The following TIAM1 variants were observed in gnomAD, a reference collection of about 807,000 sequenced individuals.
The protein encoded by TIAM1 is rho guanine nucleotide exchange factor TIAM1.
In TIAM1, 65 loss-of-function variants were observed where a neutral mutation model predicts 163.5. That is an observed-to-expected ratio of 0.40 (90% CI 0.33 to 0.49). The LOEUF (loss-of-function observed/expected upper bound fraction) is 0.49. Among genes scored for constraint, TIAM1 ranks in the 20% least tolerant of loss-of-function variants. The probability of loss-of-function intolerance (pLI) is 0.77; values close to 1 mark genes in which losing one functional copy is unlikely to be tolerated. For synonymous variants in TIAM1, 833 were observed against 810.1 expected (o/e 1.03, Z -0.48); for missense variants, 1,789 against 2,044.7 (o/e 0.87, Z 2.41).
intron 6 of TIAM1, among the ~76,000 whole-genome samples, chr21:31,227,736 T>C (rs2146642804): frequency 6.6e-6 from 1 of 152,330 alleles, no homozygotes; most frequent in South Asian, 2.1e-4. Flanking sequence ...CAGGTCATTA[T>C]CTTATAGTTT....
intron 2 of TIAM1, among the ~76,000 whole-genome samples, chr21:31,403,896 A>G (rs1239090449): frequency 1.3e-5 from 2 of 152,190 alleles, no homozygotes; most frequent in Non-Finnish European, 2.9e-5. Flanking sequence ...AATCCAGGGC[A>G]GATAGTGACA....
At chr21:31,170,074 T>C (rs1437262542) in intron 15 of TIAM1, among the ~76,000 whole-genome samples, 1 of 152,060 alleles carries the variant, frequency 6.6e-6, no homozygotes, top group Non-Finnish European at 1.5e-5. Context: ...TAAACAAATG[T>C]AAAACAGGCT....
chr21:31,127,473 C>T (rs111666410), intron 25 of TIAM1, among the ~76,000 whole-genome samples: 7,073 of 149,602 alleles, frequency 0.047, 206 homozygotes, highest in East Asian at 0.11. Flanking sequence ...GGCCGGAGTG[C>T]GGTGGTGTGA....
chr21:31,186,119 AG>A (rs1163559810), intron 14 of TIAM1, among the ~76,000 whole-genome samples: 4 of 152,202 alleles, frequency 2.6e-5, no homozygotes, highest in African/African-American at 9.6e-5. Flanking sequence ...GGGTAGAAAA[AG>A]GATGAAGAGT....
intron 8 of TIAM1, among the ~76,000 whole-genome samples, chr21:31,219,758 A>AAAAC (rs2087448308): frequency 3.9e-5 from 6 of 151,922 alleles, no homozygotes; most frequent in African/African-American, 1.5e-4. Flanking sequence ...ACAAAAAAAA[A>AAAAC]CCCCAGATCA....
At chr21:31,510,350 G>A (rs1172490458) in intron 1 of TIAM1, among the ~76,000 whole-genome samples, 1 of 152,124 alleles carries the variant, frequency 6.6e-6, no homozygotes, top group Non-Finnish European at 1.5e-5. Flanking sequence ...TACTCATAAG[G>A]ACAACGGTCA....
In TIAM1 at chr21:31,213,478, T is replaced by G; in HGVS notation, c.2143-6A>C. On this transcript the variant is annotated splice_region_variant and splice_polypyrimidine_tract_variant and intron_variant, in intron 9 of 27. Coordinates refer to ENST00000541036, the MANE Select transcript of TIAM1 (RefSeq NM_001353694.2). The stretch of plus-strand genomic sequence containing the variant: ...TCGGTTCCCTCTCCAAACACCTGCA[T>G]ATACAAAAGTACCACCTTAAAAAGG... 6.2e-7 allele frequency: 1 copy of G among 1,613,676 alleles called. No homozygotes were observed. Among genetic ancestry groups the G allele is most frequent in the African/African-American group, 1.3e-5 (1 of 74,972 alleles).
intron 6 of TIAM1, among the ~76,000 whole-genome samples, chr21:31,232,230 T>C (rs375823823): frequency 6.6e-6 from 1 of 152,154 alleles, no homozygotes; most frequent in East Asian, 1.9e-4. Context: ...GACAGCTGCA[T>C]GAAACATTTA....
At chr21:31,368,532 G>T (rs1287324657) in intron 2 of TIAM1, among the ~76,000 whole-genome samples, 1 of 152,224 alleles carries the variant, frequency 6.6e-6, no homozygotes, top group East Asian at 1.9e-4. Context: ...AGTCTAAAAA[G>T]CTAAAAATAG....
intron 1 of TIAM1, among the ~76,000 whole-genome samples, chr21:31,474,622 C>T (rs1339361991): frequency 3.3e-5 from 5 of 151,450 alleles, no homozygotes; most frequent in Admixed American, 6.6e-5. Context: ...CTCGGCTCAC[C>T]GCAACCTCCG....
chr21:31,183,733 T>C (rs1353241094), intron 14 of TIAM1, among the ~76,000 whole-genome samples: 5 of 151,812 alleles, frequency 3.3e-5, no homozygotes, highest in Non-Finnish European at 5.9e-5. Flanking sequence ...CTCACTCTGT[T>C]GCCCAGGCTG....
At chr21:31,282,550 C>T (rs1315199716) in intron 2 of TIAM1, among the ~76,000 whole-genome samples, 1 of 152,136 alleles carries the variant, frequency 6.6e-6, no homozygotes, top group Admixed American at 6.5e-5. Flanking sequence ...ATGACCACAC[C>T]CCATCTGGTG....
Position 31,223,608 on chromosome 21 carries a change from ACGGG to A in TIAM1, c.1810-21_1810-18del, listed in dbSNP as rs1210661151. 1.3e-6 allele frequency: 2 copies of A among 1,572,166 alleles called. No individual in the cohort carries two copies. Among genetic ancestry groups the A allele is most frequent in the Admixed American group, 1.9e-5 (1 of 52,306 alleles). On this transcript the variant is annotated intron_variant, in intron 7 of 27. Transcript: ENST00000541036. The stretch of plus-strand genomic sequence containing the variant: ...GACAAAGATCTATGGTAGTGAAAAC[ACGGG>A]AAAAGAAAAAGTGAGAAAATGGGAA...
At chr21:31,294,787 A>C (rs2074167424) in intron 2 of TIAM1, among the ~76,000 whole-genome samples, 1 of 152,222 alleles carries the variant, frequency 6.6e-6, no homozygotes, top group African/African-American at 2.4e-5. Flanking sequence ...GATCAAAATA[A>C]CATCAGCCTT....
intron 6 of TIAM1, among the ~76,000 whole-genome samples, chr21:31,227,119 G>A (rs1016749782): frequency 6.6e-6 from 1 of 151,822 alleles, no homozygotes; most frequent in African/African-American, 2.4e-5. Flanking sequence ...ACCATGCCCG[G>A]CTAAGTTTTA....
At chr21:31,475,471 C>T (rs1980944145) in intron 1 of TIAM1, among the ~76,000 whole-genome samples, 1 of 152,152 alleles carries the variant, frequency 6.6e-6, no homozygotes, top group Admixed American at 6.6e-5. Context: ...GAGACTACAC[C>T]ATGTAGGTAT....
At chr21:31,204,032 T>C (rs2146529384) in intron 11 of TIAM1, among the ~76,000 whole-genome samples, 1 of 152,344 alleles carries the variant, frequency 6.6e-6, no homozygotes, top group East Asian at 1.9e-4. Context: ...AAAGTAATCT[T>C]TGAATTAATT....
intron 2 of TIAM1, among the ~76,000 whole-genome samples, chr21:31,406,194 A>T (rs568090577): frequency 1.7e-4 from 26 of 151,902 alleles, no homozygotes; most frequent in Non-Finnish European, 3.2e-4. Context: ...AAAAAAAAAA[A>T]ATCACTCCTA....
intron 2 of TIAM1, among the ~76,000 whole-genome samples, chr21:31,384,626 C>T (rs968575406): frequency 2.6e-5 from 4 of 151,994 alleles, no homozygotes; most frequent in Non-Finnish European, 4.4e-5. Flanking sequence ...TATTCTGTAT[C>T]GTCTCTTGTA....
Sources: allele counts gnomAD v4.1 joint callset (sites outside exome capture counted in the v4.1 genomes callset), GRCh38; gene constraint gnomAD v4.1.1; transcripts MANE v1.5; gene names NCBI Gene and HGNC (gene_info 2026-07-23, HGNC 2026-07-21).